LMNTD1: variants seen among roughly 807,000 people sequenced by gnomAD.
The protein encoded by LMNTD1 is lamin tail domain containing 1.
In LMNTD1, 35 loss-of-function variants were observed where a neutral mutation model predicts 50.9. The observed-to-expected ratio is 0.69, with a 90% CI of 0.53 to 0.91. The LOEUF (loss-of-function observed/expected upper bound fraction) is 0.91. LMNTD1 is among the 40% of genes least tolerant of loss of function. The probability of loss-of-function intolerance (pLI) is 0.00; values close to 1 mark genes in which losing one functional copy is unlikely to be tolerated. For synonymous variants in LMNTD1, 153 were observed against 161.9 expected (o/e 0.94, Z 0.42); for missense variants, 470 against 475.5 (o/e 0.99, Z 0.11).
At chr12:25,623,094 A>G (rs1431673590) in intron 1 of LMNTD1, among the ~76,000 whole-genome samples, 1 of 152,092 alleles carries the variant, frequency 6.6e-6, no homozygotes, top group Non-Finnish European at 1.5e-5. Context: ...CAAATAACAC[A>G]AGAATTTTTT....
chr12:25,523,987 A>G lies in LMNTD1; in HGVS notation c.798+2112T>C, dbSNP rs143025551. On this transcript the variant is annotated intron_variant, in intron 6 of 9. Transcript: ENST00000458174. ...GCAAAAGTAGTATGAGAAGTAGGGCAGTGTGGCTAGAACAGAGTGCATGAA... is the reference window on the plus strand; with the variant it reads ...GCAAAAGTAGTATGAGAAGTAGGGCGGTGTGGCTAGAACAGAGTGCATGAA... Among the ~76,000 whole-genome samples, 583 of 152,288 alleles carry G rather than the reference A, an allele frequency of 3.8e-3. 2 individuals carry two copies. Among genetic ancestry groups the G allele is most frequent in the African/African-American group, 0.014 (562 of 41,556 alleles).
chr12:25,531,622 C>T (rs1294392503), intron 4 of LMNTD1, among the ~76,000 whole-genome samples: 1 of 151,758 alleles, frequency 6.6e-6, no homozygotes, highest in Non-Finnish European at 1.5e-5. Context: ...TGTTTGCTGG[C>T]TTGTTTTCTT....
intron 1 of LMNTD1, among the ~76,000 whole-genome samples, chr12:25,596,608 GA>G (rs1385554232): frequency 6.6e-5 from 10 of 152,118 alleles, no homozygotes; most frequent in African/African-American, 2.4e-4. Flanking sequence ...CACTGTTCCA[GA>G]CAATCAAAGG....
chr12:25,602,749 C>T (rs902770923), intron 1 of LMNTD1, among the ~76,000 whole-genome samples: 8 of 151,798 alleles, frequency 5.3e-5, no homozygotes, highest in Admixed American at 3.9e-4. Context: ...CTTTTAGTCC[C>T]TGCTAATTTC....
At chr12:25,525,594 G>C (rs1375407372) in intron 6 of LMNTD1, among the ~76,000 whole-genome samples, 1 of 152,090 alleles carries the variant, frequency 6.6e-6, no homozygotes, top group Admixed American at 6.6e-5. Context: ...TTGCCAAATT[G>C]TAAGTAACTC....
intron 9 of LMNTD1, among the ~76,000 whole-genome samples, chr12:25,498,814 C>G (rs1041188876): frequency 6.6e-6 from 1 of 152,132 alleles, no homozygotes; most frequent in South Asian, 2.1e-4. Flanking sequence ...CTGGCTTCCT[C>G]TCCTGTGTGA....
At chr12:25,605,470 T>C (rs1236706956) in intron 1 of LMNTD1, among the ~76,000 whole-genome samples, 1 of 152,214 alleles carries the variant, frequency 6.6e-6, no homozygotes, top group Non-Finnish European at 1.5e-5. Context: ...GTTTTTATGG[T>C]TTTAGGTCTA....
In LMNTD1 at chr12:25,518,878, A is replaced by G. The variant is rs368068515; in HGVS notation, c.1106T>C (p.Ile369Thr). The G allele has an allele frequency of 8.1e-6, 13 of 1,614,000 alleles. No individual in the cohort carries two copies. Among genetic ancestry groups the G allele is most frequent in the Non-Finnish European group, 1.1e-5 (13 of 1,180,024 alleles). ...YVSAHPYCPL[I>T]EPHNTSTAGG... ...AGCGGTGGATGTATTGTGTGGTTCA[A>G]TCAGAGGACAGTAAGGATGTGCAGA... Residue 369 changes from isoleucine to threonine, a missense_variant, in exon 8 of 10, where the codon ATT becomes ACT. Transcript: ENST00000458174.
At chr12:25,543,921 G>A (rs1358354989) in intron 4 of LMNTD1, among the ~76,000 whole-genome samples, 4 of 151,740 alleles carry the variant, frequency 2.6e-5, no homozygotes, top group Non-Finnish European at 5.9e-5. Flanking sequence ...TTGATTTCTG[G>A]TTTTATTCCA....
At chr12:25,554,786 A>G (rs1943964446), upstream of LMNTD1, among the ~76,000 whole-genome samples, 2 of 152,200 alleles carry the variant, frequency 1.3e-5, no homozygotes, top group Admixed American at 1.3e-4. Flanking sequence ...TTATCTGGCC[A>G]GGCACAGTGG....
chr12:25,580,278 G>A (rs1189682462), intron 1 of LMNTD1, among the ~76,000 whole-genome samples: 1 of 152,160 alleles, frequency 6.6e-6, no homozygotes, highest in Admixed American at 6.5e-5. Context: ...ATGTTTTCAT[G>A]TATCTCTATT....
At chr12:25,480,759 T>G (rs1938418194) in intron 9 of LMNTD1, among the ~76,000 whole-genome samples, 1 of 152,218 alleles carries the variant, frequency 6.6e-6, no homozygotes, top group Non-Finnish European at 1.5e-5. Context: ...CAGATGCATA[T>G]GTCTTTATAG....
chr12:25,502,031 G>A (rs1939419743), intron 9 of LMNTD1, among the ~76,000 whole-genome samples: 1 of 151,942 alleles, frequency 6.6e-6, no homozygotes, highest in African/African-American at 2.4e-5. Flanking sequence ...AAACAGGGTG[G>A]GCAGATTTTT....
chr12:25,526,028 A>C, intron 6 of LMNTD1, 71 bp downstream of exon 6: 2 of 1,285,606 alleles, frequency 1.6e-6, no homozygotes, highest in Non-Finnish European at 2.1e-6. Flanking sequence ...AAAAAGAATA[A>C]AAAATACAGA....
intron 1 of LMNTD1, among the ~76,000 whole-genome samples, chr12:25,606,682 C>G (rs962762183): frequency 6.6e-6 from 1 of 152,088 alleles, no homozygotes; most frequent in Non-Finnish European, 1.5e-5. Flanking sequence ...GGAATGAAGC[C>G]CACTTGATCA....
intron 1 of LMNTD1, among the ~76,000 whole-genome samples, chr12:25,646,289 C>G (rs998556671): frequency 4.3e-4 from 66 of 151,868 alleles, no homozygotes; most frequent in African/African-American, 1.5e-3. Context: ...CCAAAACCAT[C>G]CTAGTCTTTA....
chr12:25,610,500 A>G (rs1333305700), intron 1 of LMNTD1, among the ~76,000 whole-genome samples: 1 of 152,108 alleles, frequency 6.6e-6, no homozygotes, highest in Non-Finnish European at 1.5e-5. Flanking sequence ...TTTAGATTTA[A>G]TTTATTGGAC....
rs1364477714 is a variant in LMNTD1, at chr12:25,488,573, T to C, written c.*23-12113A>G. ...AAGTTTTCAACTTCTTTGCCTTTGG[T>C]TTGAATGTCCTCCCATAGCTCAGAG... On this transcript the variant is annotated intron_variant, in intron 9 of 9. Coordinates refer to ENST00000458174, the MANE Select transcript of LMNTD1 (RefSeq NM_001145728.2). Among the ~76,000 whole-genome samples, 442 of 150,144 alleles carry C rather than the reference T, an allele frequency of 2.9e-3. 4 individuals carry two copies. Among genetic ancestry groups the C allele is most frequent in the East Asian group, 0.026 (130 of 5,086 alleles).
chr12:25,604,287 C>A (rs1051218953), intron 1 of LMNTD1, among the ~76,000 whole-genome samples: 2 of 152,126 alleles, frequency 1.3e-5, no homozygotes, highest in Admixed American at 6.6e-5. Context: ...GACAATTACT[C>A]AAGTATTGAA....
Sources: allele counts gnomAD v4.1 joint callset (sites outside exome capture counted in the v4.1 genomes callset), GRCh38; gene constraint gnomAD v4.1.1; transcripts MANE v1.5; gene names NCBI Gene and HGNC (gene_info 2026-07-23, HGNC 2026-07-21).